PRMT8: variants seen among roughly 807,000 people sequenced by gnomAD.
PRMT8 encodes the protein protein arginine N-methyltransferase 8.
Under a neutral mutation model 47.1 loss-of-function variants are expected in PRMT8, and 7 were observed. The ratio of observed to expected loss-of-function variants is 0.15; its 90% confidence interval spans 0.08 to 0.28. The LOEUF is 0.28. Ranked by LOEUF, PRMT8 falls within the 10% of genes least tolerant of loss-of-function variation. PRMT8 has a pLI of 1.00. For synonymous variants in PRMT8, 188 were observed against 186.5 expected, an observed-to-expected ratio of 1.01 and a Z score of -0.07; for missense variants, 237 against 505.4, an observed-to-expected ratio of 0.47 and a Z score of 5.09.
rs565587630 is a variant in PRMT8 at position 3,554,180 on chromosome 12, A to G, written c.481+466A>G. On this transcript the variant is annotated intron_variant, in intron 4 of 9. Coordinates refer to ENST00000382622, the MANE Select transcript of PRMT8 (RefSeq NM_019854.5). ...TCACTGCTGGGCTGTTTTGGGAATG[A>G]GGCTGCTTTTGGGAGTGGGCCCTTC... Among the ~76,000 whole-genome samples, 799 of 152,248 alleles carry G rather than the reference A, an allele frequency of 5.2e-3. 6 individuals carry two copies. The highest frequency in any genetic ancestry group is 8.0e-3 in the Non-Finnish European group (543 of 68,018).
chr12:3,540,614 C>CG lies in PRMT8; in HGVS notation c.84_85insG (p.Pro29AlafsTer13). The CG allele has an allele frequency of 1.4e-6, 1 of 716,466 alleles. No individual in the cohort carries two copies. The highest frequency in any genetic ancestry group is 2.5e-6 in the Non-Finnish European group (1 of 402,650). The allele number at this position is 716,466 out of a possible 1,614,324, so 44.4% of individuals were successfully genotyped here. A position where few individuals can be genotyped will look rare whatever the true frequency, so the allele number is the denominator to read the frequency against. ...CCTTCTCTTCCCCTCAGGTGAACAG[C>CG]CCCCCCTCCCAGCCCCCCCAGCCCG... is the stretch of plus-strand genomic sequence containing the variant. On this transcript the variant is annotated frameshift_variant, in exon 2 of 10. Transcript: ENST00000382622. LOFTEE classifies it high-confidence loss of function.
chr12:3,505,372 C>T (rs1329432550), intron 1 of PRMT8, among the ~76,000 whole-genome samples: 1 of 152,184 alleles, frequency 6.6e-6, no homozygotes, highest in South Asian at 2.1e-4. Context: ...TGAATGGCCT[C>T]AGAATAGTTG....
chr12:3,593,526 C>G lies in PRMT8; in HGVS notation c.*344C>G, dbSNP rs202158417. The G allele has an allele frequency of 1.3e-5, 4 of 319,796 alleles. No homozygotes were observed. In the East Asian group the frequency reaches 3.8e-4, roughly 30 times the overall value. 19.8% of individuals were successfully genotyped at this position (319,796 alleles called of 1,614,324 possible). ...CGGGTCTTCTGAGTTTTGCATGCTG[C>G]GGGTGTCTAGGACAGATTGCTTCCA... On this transcript the variant is annotated 3_prime_UTR_variant, in exon 10 of 10. Transcript: ENST00000382622. The surrounding 1 kb of genome is among the most constrained non-coding windows in gnomAD (Gnocchi z 4.8).
At chr12:3,586,482 G>A (rs1266243495) in intron 8 of PRMT8, among the ~76,000 whole-genome samples, 1 of 152,166 alleles carries the variant, frequency 6.6e-6, no homozygotes, top group Admixed American at 6.5e-5. Flanking sequence ...TACAAACTTA[G>A]GTTCTGAAAG....
intron 2 of PRMT8, among the ~76,000 whole-genome samples, chr12:3,549,393 A>G (rs1044531570): frequency 1.3e-5 from 2 of 152,214 alleles, no homozygotes; most frequent in Non-Finnish European, 2.9e-5. Flanking sequence ...TACCATACAC[A>G]GAATTAACAT....
intron 1 of PRMT8, among the ~76,000 whole-genome samples, chr12:3,400,113 G>A (rs990080121): frequency 2.0e-5 from 3 of 152,142 alleles, no homozygotes; most frequent in Admixed American, 6.5e-5. Context: ...AGAGAACCAA[G>A]AGCAAACAAA....
chr12:3,540,089 G>T (rs1866193708), intron 1 of PRMT8, among the ~76,000 whole-genome samples: 1 of 152,102 alleles, frequency 6.6e-6, no homozygotes, highest in East Asian at 1.9e-4. Context: ...TAATCCTCAG[G>T]ACAACTCTAG....
At chr12:3,410,391 C>T (rs1040748302) in intron 1 of PRMT8, among the ~76,000 whole-genome samples, 1 of 152,200 alleles carries the variant, frequency 6.6e-6, no homozygotes, top group African/African-American at 2.4e-5. Context: ...TGCAATTCCC[C>T]CTCCCCATAA....
At chr12:3,384,552 G>A (rs942366221) in intron 1 of PRMT8, among the ~76,000 whole-genome samples, 2 of 152,172 alleles carry the variant, frequency 1.3e-5, no homozygotes, top group African/African-American at 4.8e-5. Context: ...TCAGGGCTCT[G>A]GGTGTTCTCT....
intron 1 of PRMT8, among the ~76,000 whole-genome samples, chr12:3,457,788 AC>A (rs976705736): frequency 2.0e-5 from 3 of 149,174 alleles, no homozygotes; most frequent in African/African-American, 7.5e-5. Context: ...AAGATCTGCA[AC>A]CCCCCATCTG....
chr12:3,389,069 T>C (rs946157873), intron 1 of PRMT8, among the ~76,000 whole-genome samples: 5 of 152,214 alleles, frequency 3.3e-5, no homozygotes, highest in Admixed American at 3.3e-4. Context: ...TCTGGAATCA[T>C]CCATTCCAGT....
At position 3,409,545 on chromosome 12, in the gene PRMT8, G is replaced by T. The variant is rs1864405369; in HGVS notation, c.48+28103G>T. ...CACAGCAATGACTCTATTCATCGAG[G>T]AGGTGGGGTGCTTCAGCAGCTCCGA... On this transcript the variant is annotated intron_variant, in intron 1 of 9. Transcript: ENST00000452611. This position sits in a 1 kb window ranked among gnomAD's most constrained non-coding sequence, Gnocchi z 4.4. Among the ~76,000 whole-genome samples, 1 of 150,716 alleles carries T rather than the reference G, an allele frequency of 6.6e-6. No individual in the cohort carries two copies. Among genetic ancestry groups the T allele is most frequent in the Admixed American group, 6.6e-5 (1 of 15,206 alleles).
intron 1 of PRMT8, among the ~76,000 whole-genome samples, chr12:3,459,610 G>A (rs1203030689): frequency 6.6e-6 from 1 of 152,184 alleles, no homozygotes; most frequent in South Asian, 2.1e-4. Context: ...GGCAAAGAAA[G>A]GTGTTTTACA....
chr12:3,584,232 C>T (rs920566634), intron 8 of PRMT8, among the ~76,000 whole-genome samples: 3 of 152,216 alleles, frequency 2.0e-5, no homozygotes, highest in Non-Finnish European at 4.4e-5. Flanking sequence ...TGCTCATGAG[C>T]CCTTGGTGGC....
chr12:3,480,943 T>C (rs1206334675), intron 1 of PRMT8, among the ~76,000 whole-genome samples: 3 of 152,236 alleles, frequency 2.0e-5, no homozygotes, highest in Non-Finnish European at 4.4e-5. Flanking sequence ...CAGGAAAGGC[T>C]GTTCCTCTGA....
At chr12:3,494,089 G>A (rs1423210303) in intron 1 of PRMT8, among the ~76,000 whole-genome samples, 1 of 152,188 alleles carries the variant, frequency 6.6e-6, no homozygotes, top group Non-Finnish European at 1.5e-5. Flanking sequence ...TATGGTAGAT[G>A]AGAGCGGCAG....
chr12:3,403,152 A>G (rs1864335275), intron 1 of PRMT8, among the ~76,000 whole-genome samples: 1 of 152,204 alleles, frequency 6.6e-6, no homozygotes, highest in Non-Finnish European at 1.5e-5. Flanking sequence ...AAGAATTGAG[A>G]TCTTGTCCTT....
At position 3,383,510 on chromosome 12, in the gene PRMT8, G is replaced by A. The variant is rs911918984; in HGVS notation, c.48+2068G>A. On this transcript the variant is annotated intron_variant, in intron 1 of 9. Coordinates refer to the PRMT8 transcript ENST00000452611. ...TTAAGAGGTGGGGCCTCTGGGAGGC[G>A]GTTAGGTCATGAGGGCAGAGCCCTC... 3.9e-5 allele frequency among the ~76,000 whole-genome samples: 6 copies of A among 152,190 alleles called. No homozygotes were observed. In the South Asian group the frequency reaches 8.3e-4, roughly 21 times the overall value.
At position 3,577,080 on chromosome 12, in the gene PRMT8, A is replaced by C. The variant is rs1866959184; in HGVS notation, c.828+94A>C. 2.8e-6 allele frequency: 3 copies of C among 1,064,486 alleles called. No homozygotes were observed. The Admixed American group carries it at 5.7e-5, about 20-fold the overall frequency. The allele number at this position is 1,064,486 out of a possible 1,614,324, so 65.9% of individuals were successfully genotyped here. ...CAATGCCGGCTCCTGCACAGCCCCCACCTGGTGAGGCAAGGCTGCCTTGGC... is the reference window on the plus strand; with the variant it reads ...CAATGCCGGCTCCTGCACAGCCCCCCCCTGGTGAGGCAAGGCTGCCTTGGC... On this transcript the variant is annotated intron_variant, in intron 7 of 9. Transcript: ENST00000382622.
Sources: gnomAD v4.1 joint callset for allele counts (sites outside exome capture counted in the v4.1 genomes callset) on GRCh38, gnomAD v4.1.1 for gene constraint, Gnocchi (gnomAD v3.1) non-coding constraint, MANE v1.5 for transcripts, NCBI Gene and HGNC (gene_info 2026-07-23, HGNC 2026-07-21) for gene names.